Variants in B3GALT1 observed in about 807,000 individuals in gnomAD.
B3GALT1 encodes beta-1,3-galactosyltransferase 1.
In B3GALT1, 10 loss-of-function variants were observed where a neutral mutation model predicts 23.2. The ratio of observed to expected loss-of-function variants is 0.43; its 90% CI spans 0.27 to 0.73. The LOEUF (loss-of-function observed/expected upper bound fraction) is 0.73. Ranked by LOEUF, B3GALT1 falls within the 30% of genes least tolerant of loss-of-function variation. B3GALT1 has a pLI of 0.21. For missense variants in B3GALT1, 299 were observed against 405.4 expected (o/e 0.74, Z 2.25); for synonymous variants, 156 against 141.5 (o/e 1.10, Z -0.73).
At chr2:167,830,913 C>T (rs1228323114) in intron 4 of B3GALT1, among the ~76,000 whole-genome samples, 8 of 152,174 alleles carry the variant, frequency 5.3e-5, no homozygotes, top group African/African-American at 1.9e-4. Flanking sequence ...TGGGTCTGGA[C>T]GCCACTGCAC....
At chr2:167,463,571 CACTT>C (rs928847171) in intron 1 of B3GALT1, among the ~76,000 whole-genome samples, 3 of 152,240 alleles carry the variant, frequency 2.0e-5, no homozygotes, top group Middle Eastern at 6.8e-3. Context: ...GACCCATAAT[CACTT>C]ACTTGACCAT....
At chr2:167,824,338 A>AATT (rs1260447747) in intron 4 of B3GALT1, among the ~76,000 whole-genome samples, 1 of 152,192 alleles carries the variant, frequency 6.6e-6, no homozygotes, top group East Asian at 1.9e-4. Flanking sequence ...TAAAGAAAGA[A>AATT]ATTTAGAGGA....
intron 1 of B3GALT1, among the ~76,000 whole-genome samples, chr2:167,390,573 A>G (rs1698003246): frequency 6.6e-6 from 1 of 152,192 alleles, no homozygotes; most frequent in Non-Finnish European, 1.5e-5. Flanking sequence ...TTTTTTCCAG[A>G]AATTCTGATA....
chr2:167,348,257 G>A (rs994495730), intron 1 of B3GALT1, among the ~76,000 whole-genome samples: 13 of 152,046 alleles, frequency 8.6e-5, no homozygotes, highest in Admixed American at 4.6e-4. Flanking sequence ...ACATACATGC[G>A]TCCATTTAAC....
intron 3 of B3GALT1, among the ~76,000 whole-genome samples, chr2:167,809,254 T>A (rs1405733239): frequency 6.6e-6 from 1 of 152,164 alleles, no homozygotes; most frequent in Admixed American, 6.5e-5. Flanking sequence ...TCGGAGTAGT[T>A]TGATCGTCTG....
At chr2:167,564,725 C>G (rs964977892) in intron 2 of B3GALT1, among the ~76,000 whole-genome samples, 6 of 152,168 alleles carry the variant, frequency 3.9e-5, no homozygotes, top group African/African-American at 1.4e-4. Context: ...AACAGACAGA[C>G]AGCCAAATCA....
chr2:167,362,831 G>A (rs1697518566), intron 1 of B3GALT1, among the ~76,000 whole-genome samples: 1 of 152,106 alleles, frequency 6.6e-6, no homozygotes, highest in African/African-American at 2.4e-5. Context: ...AAAGAAGGCA[G>A]CATTCACAAA....
At chr2:167,561,505 A>G (rs1252286946) in intron 2 of B3GALT1, among the ~76,000 whole-genome samples, 2 of 152,084 alleles carry the variant, frequency 1.3e-5, no homozygotes, top group East Asian at 3.8e-4. Flanking sequence ...CAAAAAATTA[A>G]TGAATCCAGG....
chr2:167,660,779 T>G (rs112407514), intron 3 of B3GALT1, among the ~76,000 whole-genome samples: 20 of 152,208 alleles, frequency 1.3e-4, no homozygotes, highest in African/African-American at 4.8e-4. Context: ...TATCAAACGA[T>G]TTTCACATAA....
intron 2 of B3GALT1, among the ~76,000 whole-genome samples, chr2:167,500,146 C>T (rs1434253769): frequency 6.6e-6 from 1 of 152,034 alleles, no homozygotes. Context: ...TTTCCTAGTC[C>T]CTGGTAAAAG....
intron 2 of B3GALT1, among the ~76,000 whole-genome samples, chr2:167,573,282 A>G (rs1684327511): frequency 6.6e-6 from 1 of 151,816 alleles, no homozygotes; most frequent in Non-Finnish European, 1.5e-5. Flanking sequence ...TATCCCAGCA[A>G]ATTGCTTTTG....
intron 1 of B3GALT1, among the ~76,000 whole-genome samples, chr2:167,347,491 A>G (rs1005295694): frequency 5.3e-5 from 8 of 152,122 alleles, no homozygotes; most frequent in Non-Finnish European, 1.0e-4. Context: ...CATCTTTCCA[A>G]CTGGTTTCTA....
intron 3 of B3GALT1, among the ~76,000 whole-genome samples, chr2:167,706,790 G>A (rs1056303942): frequency 6.6e-6 from 1 of 152,300 alleles, no homozygotes. Flanking sequence ...ACTTCCAAAG[G>A]TGGCTTCACA....
chr2:167,432,335 GA>G (rs1698718598), intron 1 of B3GALT1, among the ~76,000 whole-genome samples: 1 of 152,148 alleles, frequency 6.6e-6, no homozygotes, highest in African/African-American at 2.4e-5. Flanking sequence ...TTTGTTAACT[GA>G]AAAAGTAATA....
intron 2 of B3GALT1, among the ~76,000 whole-genome samples, chr2:167,634,086 T>G (rs7578134): frequency 0.037 from 5,650 of 152,208 alleles, 359 homozygotes; most frequent in African/African-American, 0.13. Flanking sequence ...AACCTGCTCC[T>G]GAATGACTAC....
intron 1 of B3GALT1, among the ~76,000 whole-genome samples, chr2:167,383,844 C>A (rs1369538301): frequency 6.6e-6 from 1 of 152,208 alleles, no homozygotes; most frequent in Non-Finnish European, 1.5e-5. Flanking sequence ...TTTTTCTCAA[C>A]ATTTCCCTAA....
At chr2:167,631,773 T>TTTTTTTTTTTTTTTTTTTTTTTTC (rs1685451857) in intron 2 of B3GALT1, among the ~76,000 whole-genome samples, 1 of 121,354 alleles carries the variant, frequency 8.2e-6, no homozygotes, top group African/African-American at 3.2e-5. Flanking sequence ...TCTTTTCTTT[T>TTTTTTTTTTTTTTTTTTTTTTTTC]TTTTTTTTTT....
chr2:167,573,292 G>C (rs1203996512), intron 2 of B3GALT1, among the ~76,000 whole-genome samples: 1 of 151,664 alleles, frequency 6.6e-6, no homozygotes, highest in East Asian at 1.9e-4. Context: ...AATTGCTTTT[G>C]GTTTATACTA....
At chr2:167,442,557 G>T (rs373544536) in intron 1 of B3GALT1, among the ~76,000 whole-genome samples, 2,414 of 150,564 alleles carry the variant, frequency 0.016, 32 homozygotes, top group South Asian at 0.053. Context: ...CCTGACTTTT[G>T]AATGATTGCC....
Sources: allele counts gnomAD v4.1 joint callset (sites outside exome capture counted in the v4.1 genomes callset), GRCh38; gene constraint gnomAD v4.1.1; transcripts MANE v1.5; gene names NCBI Gene and HGNC (gene_info 2026-07-23, HGNC 2026-07-21).